Variants in FSD1L observed in about 807,000 individuals in gnomAD.
FSD1L encodes FSD1-like protein.
FSD1L carries 45 observed loss-of-function variants against 71.6 expected under a neutral mutation model. The ratio of observed to expected loss-of-function variants is 0.63; its 90% CI spans 0.49 to 0.81. The LOEUF (loss-of-function observed/expected upper bound fraction) is 0.81. FSD1L is among the 30% of genes least tolerant of loss of function. The pLI is 0.00. For synonymous variants in FSD1L, 197 were observed against 207.2 expected (o/e 0.95, Z 0.42); for missense variants, 561 against 618.1 (o/e 0.91, Z 0.98).
rs922578237 is a variant in FSD1L, at chr9:105,549,756, CTT to C, written c.*3276_*3277del. 3 of 151,884 alleles carry C rather than the reference CTT, an allele frequency of 2.0e-5. No individual in the cohort carries two copies. The highest frequency in any genetic ancestry group is 7.2e-5 in the African/African-American group (3 of 41,402). The allele number at this position is 151,884 out of a possible 1,614,324, so 9.4% of individuals were successfully genotyped here. ...ATGATAAAAGTAAATGTAATGGAAT[CTT>C]TTAATTAGGCTAAGATATGCTATTT... On this transcript the variant is annotated 3_prime_UTR_variant, in exon 14 of 14. Coordinates refer to ENST00000481272, the MANE Select transcript of FSD1L (RefSeq NM_001145313.3).
intron 7 of FSD1L, among the ~76,000 whole-genome samples, chr9:105,486,677 T>C (rs1056626868): frequency 3.3e-5 from 5 of 152,160 alleles, no homozygotes; most frequent in Admixed American, 3.3e-4. Flanking sequence ...TAATATAATT[T>C]CCATCTGAGT....
At chr9:105,511,274 G>A (rs954437044) in intron 9 of FSD1L, among the ~76,000 whole-genome samples, 1 of 151,644 alleles carries the variant, frequency 6.6e-6, no homozygotes, top group African/African-American at 2.4e-5. Flanking sequence ...GACAGCCTTA[G>A]GATTTCTTCC....
In FSD1L at chr9:105,512,930, A is replaced by AGG; in HGVS notation, c.1021_1022dup (p.Arg342AlafsTer13). The AGG allele has an allele frequency of 6.5e-7, 1 of 1,533,262 alleles. No individual in the cohort carries two copies. The highest frequency in any genetic ancestry group is 8.8e-7 in the Non-Finnish European group (1 of 1,140,254). The allele number at this position is 1,533,262 out of a possible 1,614,324, so 95.0% of individuals were successfully genotyped here. On this transcript the variant is annotated frameshift_variant, in exon 10 of 14. Transcript: ENST00000481272. LOFTEE classifies it high-confidence loss of function. ...AGTAAAATTAAAGGAAAAGAGAACA[A>AGG]GGGCAGGTAAGCTAGACCATTAAAT...
chr9:105,501,286 G>A (rs961250096), intron 7 of FSD1L, among the ~76,000 whole-genome samples: 4 of 151,946 alleles, frequency 2.6e-5, no homozygotes, highest in Admixed American at 6.6e-5. Context: ...GATAGTTATA[G>A]CAGTCTATGA....
chr9:105,474,817 T>C (rs931505175), intron 5 of FSD1L, among the ~76,000 whole-genome samples: 5 of 152,270 alleles, frequency 3.3e-5, no homozygotes, highest in African/African-American at 4.8e-5. Flanking sequence ...CACATTGCAG[T>C]GTCTCAGCAT....
chr9:105,536,628 T>TTTTTG (rs940203157), intron 12 of FSD1L, among the ~76,000 whole-genome samples: 4 of 152,254 alleles, frequency 2.6e-5, no homozygotes, highest in Admixed American at 6.5e-5. Flanking sequence ...GTTTTGGTTT[T>TTTTTG]TTTTGTTTTG....
intron 9 of FSD1L, among the ~76,000 whole-genome samples, chr9:105,511,387 A>T (rs978096643): frequency 1.3e-5 from 2 of 152,138 alleles, no homozygotes; most frequent in African/African-American, 4.8e-5. Flanking sequence ...AAGCTCTCAC[A>T]TGCATTACCT....
chr9:105,533,583 C>T (rs904310146), intron 10 of FSD1L, among the ~76,000 whole-genome samples: 1 of 149,610 alleles, frequency 6.7e-6, no homozygotes, highest in African/African-American at 2.5e-5. Context: ...CAACCACACC[C>T]AGCTAATTTT....
rs1162098669 is a variant in FSD1L at position 105,493,449 on chromosome 9, T to G, written c.586+8947T>G. 3.3e-3 allele frequency among the ~76,000 whole-genome samples: 501 copies of G among 151,770 alleles called. 3 individuals are homozygous for G. Among genetic ancestry groups the G allele is most frequent in the African/African-American group, 0.011 (471 of 41,522 alleles). ...AGCACACTGATGGGTCTTGACTCTT[T>G]ATCCAATTTGCCAGTCTGTGTCTTT... On this transcript the variant is annotated intron_variant, in intron 7 of 13. Transcript: ENST00000481272.
chr9:105,452,339 T>C (rs1243488459), intron 1 of FSD1L, among the ~76,000 whole-genome samples: 1 of 152,186 alleles, frequency 6.6e-6, no homozygotes, highest in Non-Finnish European at 1.5e-5. Context: ...CTGCATCCAG[T>C]ATTGTGTCGG....
intron 6 of FSD1L, among the ~76,000 whole-genome samples, chr9:105,483,353 G>A (rs889086849): frequency 1.3e-5 from 2 of 152,100 alleles, no homozygotes; most frequent in African/African-American, 4.8e-5. Context: ...GACTTCTTGG[G>A]TAGATTTGGC....
At chr9:105,485,902 C>T (rs1832519554) in intron 7 of FSD1L, among the ~76,000 whole-genome samples, 1 of 152,096 alleles carries the variant, frequency 6.6e-6, no homozygotes, top group East Asian at 1.9e-4. Flanking sequence ...CTCGGCCTCC[C>T]AAAGTGCTGG....
chr9:105,471,694 G>A (rs1230629642), intron 4 of FSD1L, among the ~76,000 whole-genome samples: 2 of 139,860 alleles, frequency 1.4e-5, no homozygotes, highest in East Asian at 4.2e-4. Flanking sequence ...ATTAAAATTT[G>A]TTATATATAT....
chr9:105,506,571 A>G lies in FSD1L; in HGVS notation c.759A>G (p.Ile253Met). 6.4e-7 allele frequency: 1 copy of G among 1,550,992 alleles called. No individual in the cohort carries two copies. ...TAAAGGATGAGCGATGCTGGGAGAT[A>G]ATTGATAATATTAAGGGTACTGAAT... ...PRVKDERCWE[I>M]IDNIKGTEYT... Residue 253 changes from isoleucine to methionine, a missense_variant, in exon 8 of 14, where the codon ATA becomes ATG. This residue lies in a region of FSD1L where 410 missense variants were observed against 413.5 expected (regional missense o/e 0.99). Coordinates refer to ENST00000481272, the MANE Select transcript of FSD1L (RefSeq NM_001145313.3).
rs1837164384 is a variant in FSD1L at position 105,549,149 on chromosome 9, T to G, written c.*2666T>G. Reference sequence around the variant, plus strand: ...TTTGTTTCTACAGGTCAAACATGATTGCTTTCTATAAAAGAAATGCTTGAG... The same window carrying G: ...TTTGTTTCTACAGGTCAAACATGATGGCTTTCTATAAAAGAAATGCTTGAG... On this transcript the variant is annotated 3_prime_UTR_variant, in exon 14 of 14. Transcript: ENST00000481272. The G allele has an allele frequency of 6.6e-6, 1 of 152,064 alleles. No individual in the cohort carries two copies. The highest frequency in any genetic ancestry group is 2.1e-4 in the South Asian group (1 of 4,832). 9.4% of individuals were successfully genotyped at this position (152,064 alleles called of 1,614,324 possible).
chr9:105,525,619 A>G lies in FSD1L; in HGVS notation c.1026-8874A>G, dbSNP rs1835459665. 3.1e-6 allele frequency: 5 copies of G among 1,612,568 alleles called. No individual in the cohort carries two copies. The East Asian group carries it at 1.1e-4, about 36-fold the overall frequency. On this transcript the variant is annotated intron_variant, in intron 10 of 13. Coordinates refer to ENST00000481272, the MANE Select transcript of FSD1L (RefSeq NM_001145313.3). ...CTTTCATCTCCTGAAGAAAAATGAA[A>G]AGCTACTTAGAGAACTTAGGAACTT...
upstream of FSD1L, among the ~76,000 whole-genome samples, chr9:105,447,316 T>A: frequency 1.1e-5 from 1 of 89,184 alleles, no homozygotes; most frequent in African/African-American, 4.8e-5. Flanking sequence ...AGACCGAGAC[T>A]CCATCTCCAA....
In FSD1L at chr9:105,472,021, A is replaced by G. The variant is rs370755596; in HGVS notation, c.441+16A>G. 2.3e-5 allele frequency: 33 copies of G among 1,417,088 alleles called. No homozygotes were observed. In the African/African-American group the frequency reaches 4.4e-4, roughly 19 times the overall value. 87.8% of individuals were successfully genotyped at this position (1,417,088 alleles called of 1,614,324 possible). On this transcript the variant is annotated intron_variant, in intron 5 of 13. Transcript: ENST00000481272. ...ATTTTCAAAGGTACACAAAAACTGC[A>G]TTAATACACTTAACAAGGGAAGTTG...
chr9:105,537,634 GA>G (rs1250741906), intron 12 of FSD1L, among the ~76,000 whole-genome samples: 4 of 152,122 alleles, frequency 2.6e-5, no homozygotes, highest in African/African-American at 9.7e-5. Context: ...CAGTAGTGGG[GA>G]GGGGTGGTTC....
Sources: gnomAD v4.1 joint callset for allele counts (sites outside exome capture counted in the v4.1 genomes callset) on GRCh38, gnomAD v4.1.1 for gene constraint, gnomAD v4.1.1 regional missense constraint, MANE v1.5 for transcripts, NCBI Gene and HGNC (gene_info 2026-07-23, HGNC 2026-07-21) for gene names.